The following ADK variants were observed in gnomAD, a reference collection of about 807,000 sequenced individuals.
ADK encodes N6,N6-dimethyladenosine kinase.
ADK carries 24 observed loss-of-function variants against 44.7 expected under a neutral mutation model. The observed-to-expected ratio is 0.54, with a 90% CI of 0.39 to 0.76. The LOEUF (loss-of-function observed/expected upper bound fraction) is 0.76. Ranked by LOEUF, ADK falls within the 30% of genes least tolerant of loss-of-function variation. The pLI is 0.00. For synonymous variants in ADK, 128 were observed against 142.6 expected (o/e 0.90, Z 0.73); for missense variants, 321 against 425.1 (o/e 0.76, Z 2.15).
intron 6 of ADK, among the ~76,000 whole-genome samples, chr10:74,475,332 ATTACTTTC>A (rs1846788209): frequency 6.6e-6 from 1 of 152,024 alleles, no homozygotes; most frequent in Non-Finnish European, 1.5e-5. Flanking sequence ...TCATCTTTTT[ATTACTTTC>A]TTACTTTCTG....
chr10:74,401,005 T>TA (rs1274002608), intron 6 of ADK, among the ~76,000 whole-genome samples: 11 of 152,242 alleles, frequency 7.2e-5, no homozygotes, highest in Admixed American at 7.2e-4. Context: ...TCTTTTGGTT[T>TA]AAATACAGTG....
At chr10:74,331,271 T>G (rs1841209105) in intron 4 of ADK, among the ~76,000 whole-genome samples, 1 of 151,104 alleles carries the variant, frequency 6.6e-6, no homozygotes, top group Non-Finnish European at 1.5e-5. Flanking sequence ...AATAATTTTC[T>G]GGTTTTGAAA....
At chr10:74,270,583 G>A (rs1028672411) in intron 3 of ADK, among the ~76,000 whole-genome samples, 1 of 152,136 alleles carries the variant, frequency 6.6e-6, no homozygotes, top group Non-Finnish European at 1.5e-5. Flanking sequence ...TTTTAACCTT[G>A]TTGGTTCCCT....
chr10:74,527,075 A>G (rs1849070745), intron 7 of ADK, among the ~76,000 whole-genome samples: 1 of 152,124 alleles, frequency 6.6e-6, no homozygotes, highest in African/African-American at 2.4e-5. Context: ...ATATGATTCC[A>G]AAGAGGCCGG....
At chr10:74,318,462 C>T (rs980280501) in intron 4 of ADK, among the ~76,000 whole-genome samples, 2 of 152,132 alleles carry the variant, frequency 1.3e-5, no homozygotes, top group African/African-American at 2.4e-5. Context: ...TTACCTGGCT[C>T]AAATGGCTCA....
intron 1 of ADK, among the ~76,000 whole-genome samples, chr10:74,177,992 A>G (rs1333134491): frequency 7.0e-6 from 1 of 142,518 alleles, no homozygotes; most frequent in Non-Finnish European, 1.5e-5. Context: ...CCCAGGCTGG[A>G]GTGCAATGGC....
chr10:74,541,211 C>T (rs756009431), intron 7 of ADK, among the ~76,000 whole-genome samples: 2 of 151,682 alleles, frequency 1.3e-5, no homozygotes, highest in African/African-American at 4.8e-5. Flanking sequence ...GACGGGGTTT[C>T]GCCATGTTGG....
At chr10:74,513,250 C>T (rs564704737) in intron 6 of ADK, among the ~76,000 whole-genome samples, 170 of 152,214 alleles carry the variant, frequency 1.1e-3, no homozygotes, top group African/African-American at 4.0e-3. Context: ...CTGAAATGTT[C>T]TATAAATATC....
intron 6 of ADK, among the ~76,000 whole-genome samples, chr10:74,441,560 A>T (rs1377383544): frequency 6.6e-6 from 1 of 152,214 alleles, no homozygotes; most frequent in Non-Finnish European, 1.5e-5. Flanking sequence ...CACAAAAATG[A>T]ACTCAAAACA....
At chr10:74,659,785 G>T (rs1277310038) in intron 9 of ADK, among the ~76,000 whole-genome samples, 1 of 152,188 alleles carries the variant, frequency 6.6e-6, no homozygotes, top group Admixed American at 6.5e-5. Context: ...GGGAGGGTAA[G>T]CCAGTCTGGC....
In ADK at chr10:74,201,255, A is replaced by G. The variant is rs543648172; in HGVS notation, c.140+417A>G. On this transcript the variant is annotated intron_variant, in intron 2 of 10. Transcript: ENST00000539909. Reference sequence around the variant, plus strand: ...GAAAGATGATTAGAGAAGACAAGAGAACGTGCAGGATATAATTCAGAGGAT... The same window carrying G: ...GAAAGATGATTAGAGAAGACAAGAGGACGTGCAGGATATAATTCAGAGGAT... 2.6e-5 allele frequency among the ~76,000 whole-genome samples: 4 copies of G among 152,358 alleles called. No homozygotes were observed. The South Asian group carries it at 8.3e-4, about 32-fold the overall frequency.
intron 7 of ADK, among the ~76,000 whole-genome samples, chr10:74,540,272 C>T (rs73274158): frequency 0.03 from 4,583 of 152,038 alleles, 197 homozygotes; most frequent in African/African-American, 0.092. Flanking sequence ...TGAATTACTA[C>T]GGAGATAATC....
intron 1 of ADK, among the ~76,000 whole-genome samples, chr10:74,197,451 C>A (rs1253748139): frequency 6.6e-6 from 1 of 152,160 alleles, no homozygotes; most frequent in Non-Finnish European, 1.5e-5. Flanking sequence ...GTAATCCCAG[C>A]ACTTTGGGAG....
At chr10:74,300,348 TTCC>T in intron 3 of ADK, among the ~76,000 whole-genome samples, 1 of 74,826 alleles carries the variant, frequency 1.3e-5, no homozygotes, top group Non-Finnish European at 3.7e-5. Flanking sequence ...CCTTCCTTCC[TTCC>T]TTCCTTCCTT....
chr10:74,692,898 C>T (rs894188887), intron 10 of ADK, among the ~76,000 whole-genome samples: 1 of 152,038 alleles, frequency 6.6e-6, no homozygotes, highest in South Asian at 2.1e-4. Flanking sequence ...AATATATCCC[C>T]GTTGTTAAGC....
At chr10:74,685,951 T>C (rs546345598) in intron 10 of ADK, among the ~76,000 whole-genome samples, 1 of 151,382 alleles carries the variant, frequency 6.6e-6, no homozygotes, top group Non-Finnish European at 1.5e-5. Flanking sequence ...ATATGTGGGG[T>C]TTTTTGTTTG....
At chr10:74,354,900 A>G (rs890569970) in intron 4 of ADK, among the ~76,000 whole-genome samples, 1 of 152,224 alleles carries the variant, frequency 6.6e-6, no homozygotes, top group Non-Finnish European at 1.5e-5. Flanking sequence ...CACTGCTTCC[A>G]CTATTTGGGT....
chr10:74,584,550 T>G (rs1376935157), intron 7 of ADK, among the ~76,000 whole-genome samples: 1 of 152,246 alleles, frequency 6.6e-6, no homozygotes, highest in Non-Finnish European at 1.5e-5. Context: ...TACAATTATA[T>G]GAATTTTTAT....
intron 9 of ADK, among the ~76,000 whole-genome samples, chr10:74,664,002 A>G (rs959276263): frequency 3.3e-5 from 5 of 152,154 alleles, no homozygotes; most frequent in Non-Finnish European, 5.9e-5. Context: ...GTTTCCTTCT[A>G]TCAGTTCTCT....
Sources: allele counts gnomAD v4.1 joint callset (sites outside exome capture counted in the v4.1 genomes callset), GRCh38; gene constraint gnomAD v4.1.1; transcripts MANE v1.5; gene names NCBI Gene and HGNC (gene_info 2026-07-23, HGNC 2026-07-21).